PCLO: variants seen among roughly 807,000 people sequenced by gnomAD.
PCLO encodes the protein piccolo presynaptic cytomatrix protein, also known as protein piccolo.
Under a neutral mutation model 427.5 loss-of-function variants are expected in PCLO, and 82 were observed. The ratio of observed to expected loss-of-function variants is 0.19; its 90% CI spans 0.16 to 0.23. PCLO has a LOEUF of 0.23. Ranked by LOEUF, PCLO falls within the 10% of genes least tolerant of loss-of-function variation. The pLI, the probability that PCLO is intolerant of heterozygous loss-of-function variation, is 1.00. For synonymous variants in PCLO, 2,357 were observed against 2,155.4 expected, an observed-to-expected ratio of 1.09 and a Z score of -2.59; for missense variants, 6,239 against 6,115.9, an observed-to-expected ratio of 1.02 and a Z score of -0.67.
intron 6 of PCLO, among the ~76,000 whole-genome samples, chr7:82,935,299 A>G (rs1052906838): frequency 6.6e-6 from 1 of 150,764 alleles, no homozygotes; most frequent in East Asian, 1.9e-4. Flanking sequence ...CAACAACTCA[A>G]TGTTCTTTAT....
intron 3 of PCLO, among the ~76,000 whole-genome samples, chr7:83,079,339 G>A (rs1056990222): frequency 6.6e-6 from 1 of 151,766 alleles, no homozygotes; most frequent in African/African-American, 2.4e-5. Flanking sequence ...TTTCTAAACC[G>A]GGTCAACTGA....
At chr7:82,896,076 G>C (rs76528110) in intron 9 of PCLO, among the ~76,000 whole-genome samples, 3,883 of 151,898 alleles carry the variant, frequency 0.026, 184 homozygotes, top group African/African-American at 0.088. Flanking sequence ...ATGAAAAATT[G>C]CTGGCAAGAA....
At chr7:83,020,166 C>G (rs1207541565) in intron 3 of PCLO, among the ~76,000 whole-genome samples, 1 of 152,000 alleles carries the variant, frequency 6.6e-6, no homozygotes, top group Non-Finnish European at 1.5e-5. Flanking sequence ...CCTTTTATTA[C>G]TTGGATCTAG....
intron 10 of PCLO, among the ~76,000 whole-genome samples, chr7:82,857,639 C>T (rs1792843302): frequency 6.6e-6 from 1 of 151,528 alleles, no homozygotes; most frequent in African/African-American, 2.4e-5. Flanking sequence ...GATAAAATAC[C>T]CAGAAGTTTG....
At chr7:82,767,554 G>GGAAA (rs1790557131) in intron 22 of PCLO, among the ~76,000 whole-genome samples, 1 of 151,786 alleles carries the variant, frequency 6.6e-6, no homozygotes, top group Non-Finnish European at 1.5e-5. Flanking sequence ...TTGACATGGA[G>GGAAA]GAAAGAAAGA....
intron 6 of PCLO, among the ~76,000 whole-genome samples, chr7:82,927,165 T>C (rs1210819187): frequency 6.6e-6 from 1 of 152,196 alleles, no homozygotes; most frequent in Non-Finnish European, 1.5e-5. Context: ...CGGATACTCA[T>C]TTTTGTCAAA....
chr7:82,810,990 A>C (rs1791557227), intron 20 of PCLO, among the ~76,000 whole-genome samples: 1 of 151,862 alleles, frequency 6.6e-6, no homozygotes, highest in South Asian at 2.1e-4. Flanking sequence ...TTTGGAATGT[A>C]AATAGGTTGC....
intron 9 of PCLO, among the ~76,000 whole-genome samples, chr7:82,888,565 A>T (rs1463132971): frequency 1.3e-5 from 2 of 152,152 alleles, no homozygotes; most frequent in African/African-American, 4.8e-5. Context: ...ATTATGATTA[A>T]GCTTCCTTCA....
intron 22 of PCLO, among the ~76,000 whole-genome samples, chr7:82,796,319 G>A (rs1346827386): frequency 6.6e-6 from 1 of 152,156 alleles, no homozygotes; most frequent in Non-Finnish European, 1.5e-5. Context: ...AGGAAAATGT[G>A]ATAAGGTGAT....
At chr7:82,917,369 T>C (rs558259730) in intron 6 of PCLO, among the ~76,000 whole-genome samples, 2 of 152,210 alleles carry the variant, frequency 1.3e-5, no homozygotes, top group African/African-American at 4.8e-5. Flanking sequence ...TATTTCAAGA[T>C]TTTCATGACT....
At chr7:83,025,559 A>G (rs147394406) in intron 3 of PCLO, among the ~76,000 whole-genome samples, 3,152 of 152,256 alleles carry the variant, frequency 0.021, 104 homozygotes, top group African/African-American at 0.071. Flanking sequence ...AACTTCCCCA[A>G]TCTAACAAGG....
rs778345520 is a variant in PCLO, at chr7:82,838,360, A to C, written c.14098-18T>G. 5.8e-6 allele frequency: 8 copies of C among 1,378,520 alleles called. No homozygotes were observed. Among genetic ancestry groups the C allele is most frequent in the Non-Finnish European group, 7.0e-6 (7 of 1,005,164 alleles). The allele number at this position is 1,378,520 out of a possible 1,614,324, so 85.4% of individuals were successfully genotyped here. Reference sequence around the variant, plus strand: ...ATTTGAAGCTTTAGGAGAGAGAAAAATATTCCATAAGTTTTTAAAAGCATG... The same window carrying C: ...ATTTGAAGCTTTAGGAGAGAGAAAACTATTCCATAAGTTTTTAAAAGCATG... On this transcript the variant is annotated intron_variant, in intron 14 of 24. Coordinates refer to ENST00000333891, the MANE Select transcript of PCLO (RefSeq NM_033026.6).
intron 20 of PCLO, chr7:82,821,046 A>G: frequency 8.4e-7 from 1 of 1,186,128 alleles, no homozygotes; most frequent in Non-Finnish European, 1.0e-6. Context: ...TCTAAAAATT[A>G]AAGATGAGAG....
intron 22 of PCLO, among the ~76,000 whole-genome samples, chr7:82,764,979 C>T (rs1790504862): frequency 6.6e-6 from 1 of 151,808 alleles, no homozygotes; most frequent in South Asian, 2.1e-4. Flanking sequence ...ATACCTTTTT[C>T]TTAATCATCT....
chr7:82,802,054 A>G (rs1456314859), intron 21 of PCLO, among the ~76,000 whole-genome samples: 1 of 151,886 alleles, frequency 6.6e-6, no homozygotes, highest in Non-Finnish European at 1.5e-5. Context: ...TTTTAATAAA[A>G]TATTTCTTAT....
chr7:82,978,248 TA>T (rs903572154), intron 3 of PCLO, among the ~76,000 whole-genome samples: 4 of 150,118 alleles, frequency 2.7e-5, no homozygotes, highest in East Asian at 3.9e-4. Context: ...AGTTTTAAAT[TA>T]AAAAAAAATG....
intron 22 of PCLO, among the ~76,000 whole-genome samples, chr7:82,781,586 G>A (rs1790874522): frequency 6.6e-6 from 1 of 151,864 alleles, no homozygotes; most frequent in Non-Finnish European, 1.5e-5. Context: ...TTTCATCCAG[G>A]GTTCCTGGTT....
chr7:83,156,462 C>A (rs1049160233), intron 1 of PCLO, 70 bp from the exon 2 acceptor site: 2 of 993,614 alleles, frequency 2.0e-6, no homozygotes, highest in Non-Finnish European at 2.9e-6. Flanking sequence ...CAAAGTAATA[C>A]AAAAAACCTA....
At chr7:83,127,337 C>A (rs1462997842) in intron 3 of PCLO, among the ~76,000 whole-genome samples, 1 of 114,342 alleles carries the variant, frequency 8.7e-6, no homozygotes, top group Admixed American at 8.2e-5. Flanking sequence ...ACATAACTAT[C>A]CCAATAAAGT....
Sources: gnomAD v4.1 joint callset for allele counts (sites outside exome capture counted in the v4.1 genomes callset) on GRCh38, gnomAD v4.1.1 for gene constraint, MANE v1.5 for transcripts, NCBI Gene and HGNC (gene_info 2026-07-23, HGNC 2026-07-21) for gene names.